The following CDH2 variants were observed in gnomAD, a reference collection of about 807,000 sequenced individuals.
The protein encoded by CDH2 is cadherin-2.
CDH2 carries 17 observed loss-of-function variants against 92.0 expected under a neutral mutation model. The ratio of observed to expected loss-of-function variants is 0.18; its 90% CI spans 0.13 to 0.28. The LOEUF (loss-of-function observed/expected upper bound fraction) is 0.28, where lower values mean the gene tolerates loss of function less well. CDH2 is among the 10% of genes least tolerant of loss of function. CDH2 has a pLI of 1.00. For synonymous variants in CDH2, 419 were observed against 415.9 expected (o/e 1.01, Z -0.09); for missense variants, 862 against 1,133.1 (o/e 0.76, Z 3.44).
intron 11 of CDH2, among the ~76,000 whole-genome samples, chr18:27,987,491 T>C (rs998626013): frequency 1.3e-5 from 2 of 152,224 alleles, no homozygotes; most frequent in Admixed American, 1.3e-4. Flanking sequence ...TGTCTTATTT[T>C]AGTAATGCAA....
intron 2 of CDH2, among the ~76,000 whole-genome samples, chr18:28,114,271 A>G (rs1232241756): frequency 6.6e-6 from 1 of 152,178 alleles, no homozygotes; most frequent in African/African-American, 2.4e-5. Flanking sequence ...TGATCTGATC[A>G]ATATACATTA....
chr18:28,149,775 T>C (rs1383908416), intron 1 of CDH2, among the ~76,000 whole-genome samples: 1 of 152,228 alleles, frequency 6.6e-6, no homozygotes, highest in Non-Finnish European at 1.5e-5. Flanking sequence ...TAATAATTAC[T>C]TTCTTTCAAA....
At chr18:27,957,133 C>CCCATGCATCCAT (rs2011268852) in intron 15 of CDH2, among the ~76,000 whole-genome samples, 1 of 151,472 alleles carries the variant, frequency 6.6e-6, no homozygotes, top group African/African-American at 2.4e-5. Context: ...ATCCATCCAT[C>CCCATGCATCCAT]CCATCCATCC....
intron 5 of CDH2, among the ~76,000 whole-genome samples, chr18:28,008,590 T>C (rs1330566595): frequency 6.6e-6 from 1 of 151,952 alleles, no homozygotes; most frequent in Non-Finnish European, 1.5e-5. Flanking sequence ...CACTGGGGCC[T>C]GTCGTGGGGT....
intron 2 of CDH2, among the ~76,000 whole-genome samples, chr18:28,113,350 C>T (rs896884369): frequency 1.3e-5 from 2 of 151,424 alleles, no homozygotes; most frequent in Non-Finnish European, 2.9e-5. Context: ...AAGGCAACCA[C>T]ATTAAAAATG....
At chr18:28,100,956 C>T (rs2015216826) in intron 2 of CDH2, among the ~76,000 whole-genome samples, 1 of 152,158 alleles carries the variant, frequency 6.6e-6, no homozygotes, top group African/African-American at 2.4e-5. Context: ...TTAGAATTCA[C>T]TCTGACATAT....
chr18:28,164,301 T>C (rs1275870969), intron 1 of CDH2, among the ~76,000 whole-genome samples: 3 of 152,196 alleles, frequency 2.0e-5, no homozygotes, highest in African/African-American at 7.2e-5. Flanking sequence ...AACCTCACCA[T>C]GCTTTGGTGT....
intron 2 of CDH2, among the ~76,000 whole-genome samples, chr18:28,063,908 C>CA (rs2014454617): frequency 6.6e-6 from 1 of 152,174 alleles, no homozygotes; most frequent in South Asian, 2.1e-4. Context: ...CTGTAATCTT[C>CA]AAAAATCACC....
chr18:27,964,243 C>A (rs919154800), intron 14 of CDH2, among the ~76,000 whole-genome samples: 48 of 152,072 alleles, frequency 3.2e-4, no homozygotes, highest in African/African-American at 8.7e-4. Flanking sequence ...GTGGGAATGT[C>A]CTGGAAAAAC....
chr18:28,121,719 A>G (rs2015590932), intron 2 of CDH2, among the ~76,000 whole-genome samples: 1 of 152,076 alleles, frequency 6.6e-6, no homozygotes, highest in Admixed American at 6.6e-5. Flanking sequence ...GTAGTCCCAT[A>G]AACTAAAACC....
intron 2 of CDH2, among the ~76,000 whole-genome samples, chr18:28,131,288 A>G (rs914665143): frequency 5.3e-5 from 8 of 152,172 alleles, no homozygotes; most frequent in Admixed American, 2.0e-4. Flanking sequence ...AAATTATCAG[A>G]TAGTAAATAT....
At chr18:28,098,495 T>C (rs929963707) in intron 2 of CDH2, among the ~76,000 whole-genome samples, 4 of 152,084 alleles carry the variant, frequency 2.6e-5, no homozygotes, top group Admixed American at 1.3e-4. Context: ...AAAGACACCT[T>C]ATTTAACATT....
chr18:28,165,422 G>A (rs2016363583), intron 1 of CDH2, among the ~76,000 whole-genome samples: 1 of 152,052 alleles, frequency 6.6e-6, no homozygotes, highest in Non-Finnish European at 1.5e-5. Flanking sequence ...AAAGTCCTGG[G>A]GTCAAGCTAT....
rs535177875 is a variant in CDH2, at chr18:27,985,325, T to C, written c.1976-92A>G. On this transcript the variant is annotated intron_variant, in intron 12 of 15. Transcript: ENST00000269141. ...TGTTCAGGATGTATTTACTACCTAA[T>C]AGTACACATAAAGCGGATTACAACT... 1.5e-4 allele frequency: 128 copies of C among 825,974 alleles called. No individual in the cohort carries two copies. The East Asian group carries it at 2.6e-3, about 17-fold the overall frequency. 51.2% of individuals were successfully genotyped at this position (825,974 alleles called of 1,614,324 possible). A position where few individuals can be genotyped will look rare whatever the true frequency, so the allele number is the denominator to read the frequency against.
At chr18:28,099,111 T>A (rs1296872182) in intron 2 of CDH2, among the ~76,000 whole-genome samples, 1 of 152,212 alleles carries the variant, frequency 6.6e-6, no homozygotes, top group East Asian at 1.9e-4. Flanking sequence ...CAATTACTTA[T>A]AAAAATGACA....
At chr18:28,013,171 C>T (rs910990912) in intron 3 of CDH2, among the ~76,000 whole-genome samples, 3 of 152,124 alleles carry the variant, frequency 2.0e-5, no homozygotes, top group Admixed American at 6.6e-5. Flanking sequence ...TTTATCTTGG[C>T]TCACAGCAGC....
intron 2 of CDH2, among the ~76,000 whole-genome samples, chr18:28,045,943 A>G (rs1384326449): frequency 6.6e-6 from 1 of 152,218 alleles, no homozygotes; most frequent in Non-Finnish European, 1.5e-5. Context: ...CTCAGTGACT[A>G]TCACTGGACC....
chr18:27,974,197 G>C (rs2011749480), intron 14 of CDH2, among the ~76,000 whole-genome samples: 1 of 151,942 alleles, frequency 6.6e-6, no homozygotes, highest in Non-Finnish European at 1.5e-5. Context: ...GTTAATCTAA[G>C]ACTTACTTAT....
At position 27,990,078 on chromosome 18, in the gene CDH2, T is replaced by C. The variant is rs750242586; in HGVS notation, c.1598+19A>G. The C allele has an allele frequency of 1.2e-6, 2 of 1,609,752 alleles. No individual in the cohort carries two copies. Among genetic ancestry groups the C allele is most frequent in the Admixed American group, 3.3e-5 (2 of 59,970 alleles). On this transcript the variant is annotated intron_variant, in intron 10 of 15. Transcript: ENST00000269141. ...GAACATAAGTAAGCTACAAAAACAC[T>C]ACAAACAGCATTTCATACCTAATAT... is the stretch of plus-strand genomic sequence containing the variant.
Sources: gnomAD v4.1 joint callset for allele counts (sites outside exome capture counted in the v4.1 genomes callset) on GRCh38, gnomAD v4.1.1 for gene constraint, MANE v1.5 for transcripts, NCBI Gene and HGNC (gene_info 2026-07-23, HGNC 2026-07-21) for gene names.